The following TEX15 variants were observed in gnomAD, a reference collection of about 807,000 sequenced individuals.
TEX15 encodes the protein testis-expressed protein 15.
TEX15 carries 171 observed loss-of-function variants against 237.3 expected under a neutral mutation model. That is an observed-to-expected ratio of 0.72 (90% CI 0.64 to 0.82). The LOEUF (loss-of-function observed/expected upper bound fraction) is 0.82. TEX15 is among the 40% of genes least tolerant of loss of function. TEX15 has a pLI of 0.00. For synonymous variants in TEX15, 1,338 were observed against 1,269.8 expected (o/e 1.05, Z -1.14); for missense variants, 3,750 against 3,646.5 (o/e 1.03, Z -0.73).
chr8:30,857,751 A>T (rs1381284495), intron 7 of TEX15, among the ~76,000 whole-genome samples: 10 of 152,222 alleles, frequency 6.6e-5, no homozygotes, highest in Admixed American at 6.5e-4. Flanking sequence ...AACACTGAAA[A>T]AGTCTGACAG....
At chr8:30,855,853 T>C (rs937576856) in intron 7 of TEX15, among the ~76,000 whole-genome samples, 10 of 152,166 alleles carry the variant, frequency 6.6e-5, no homozygotes, top group Admixed American at 1.3e-4. Context: ...ACTATGATTT[T>C]ACTTAAATGA....
intron 10 of TEX15, among the ~76,000 whole-genome samples, chr8:30,834,490 C>T (rs1031790722): frequency 1.3e-5 from 2 of 152,002 alleles, no homozygotes; most frequent in South Asian, 2.1e-4. Context: ...CCTCTTTTAT[C>T]GTTTTCCTTA....
At chr8:30,889,939 A>ATATATACATATATATATATATATACG (rs1554502294) in intron 2 of TEX15, among the ~76,000 whole-genome samples, 1 of 126,018 alleles carries the variant, frequency 7.9e-6, no homozygotes, top group African/African-American at 3.8e-5. Context: ...ATATACATAT[A>ATATATACATATATATATATATATACG]TATATATATA....
chr8:30,844,616 C>T lies in TEX15; in HGVS notation c.5551G>A (p.Glu1851Lys). The T allele has an allele frequency of 6.2e-7, 1 of 1,613,226 alleles. No homozygotes were observed. The highest frequency in any genetic ancestry group is 1.1e-5 in the South Asian group (1 of 91,024). The change falls in exon 8 of 11, where the codon GAA becomes AAA. Residue 1851 changes from glutamate (E) to lysine (K), a missense_variant. Transcript: ENST00000643185. The part of the protein sequence containing the change: ...DRITWKVKQA[E>K]KAKDSVYKRS... ...TTGTAAACAGAATCTTTTGCTTTTT[C>T]CGCTTGTTTAACTTTCCACGTTATT...
chr8:30,875,078 T>C lies in TEX15; in HGVS notation c.161A>G (p.Asn54Ser), dbSNP rs1200804623. The C allele has an allele frequency of 1.6e-6, 2 of 1,250,506 alleles. No homozygotes were observed. The highest frequency in any genetic ancestry group is 7.2e-5 in the South Asian group (2 of 27,768). 77.5% of individuals were successfully genotyped at this position (1,250,506 alleles called of 1,614,324 possible). Residue 54 changes from asparagine to serine, a missense_variant, in exon 4 of 11, where the codon AAT becomes AGT. By Grantham distance (46) the Asn-to-Ser change is conservative. Coordinates refer to ENST00000643185, the MANE Select transcript of TEX15 (RefSeq NM_001350162.2). Reference protein sequence around the residue: ...EKVYLSPCYTNSREYSFIHDT... With the variant: ...EKVYLSPCYTSSREYSFIHDT... ...ATGTATAAAACTATACTCTCTACTA[T>C]TGGTGTAACAAGGTGACAAGTAAAC...
rs150361350 is a variant in TEX15 at position 30,845,905 on chromosome 8, T to C, written c.4262A>G (p.Asn1421Ser). The C allele has an allele frequency of 7.4e-6, 12 of 1,613,346 alleles. No homozygotes were observed. In the African/African-American group the frequency reaches 8.0e-5, roughly 11 times the overall value. The change falls in exon 8 of 11, where the codon AAT becomes AGT. Residue 1421 changes from asparagine (N) to serine (S), a missense_variant. Transcript: ENST00000643185. ...PLPKSYAIICNNFWESCDLQG... is the reference protein window; with the variant it reads ...PLPKSYAIICSNFWESCDLQG... ...AAGGTCACAACTTTCCCAGAAATTA[T>C]TGCATATTATTGCATATGATTTTGG...
At chr8:30,880,110 C>A (rs1230416249) in intron 3 of TEX15, among the ~76,000 whole-genome samples, 1 of 152,134 alleles carries the variant, frequency 6.6e-6, no homozygotes, top group Non-Finnish European at 1.5e-5. Flanking sequence ...CTCATTGCAA[C>A]CTCCCCCTCC....
chr8:30,848,292 A>G lies in TEX15; in HGVS notation c.1875T>C (p.Ala625=). ...LQNTGKMKNF[A]DLEDSSKHEE... ...CATGTTTGGAACTGTCTTCCAGGTCAGCGAAGTTTTTCATCTTTCCAGTAT... is the reference window on the plus strand; with the variant it reads ...CATGTTTGGAACTGTCTTCCAGGTCGGCGAAGTTTTTCATCTTTCCAGTAT... Residue 625 remains alanine, a synonymous_variant, in exon 8 of 11, where the codon GCT becomes GCC. Transcript: ENST00000643185. 1 of 1,613,018 alleles carries G rather than the reference A, an allele frequency of 6.2e-7. No homozygotes were observed. Among genetic ancestry groups the G allele is most frequent in the South Asian group, 1.1e-5 (1 of 90,820 alleles).
intron 7 of TEX15, among the ~76,000 whole-genome samples, chr8:30,852,366 T>G (rs187471928): frequency 4.5e-4 from 68 of 152,216 alleles, no homozygotes; most frequent in African/African-American, 1.6e-3. Context: ...GTGCTAGGAT[T>G]ACAAGTGTGA....
At position 30,843,824 on chromosome 8, in the gene TEX15, C is replaced by G; in HGVS notation, c.6343G>C (p.Gly2115Arg). Residue 2115 changes from glycine to arginine, a missense_variant, in exon 8 of 11, where the codon GGA (glycine) becomes CGA (arginine). Physicochemically the swap from Gly to Arg is moderately radical, Grantham distance 125. Transcript: ENST00000643185. ...YDETLYAELL[G>R]KPRGFQQQSN... Reference sequence around the variant, plus strand: ...TGCTGTTGAAATCCACGTGGTTTTCCAAGAAGCTCAGCATACAGTGTTTCA... The same window carrying G: ...TGCTGTTGAAATCCACGTGGTTTTCGAAGAAGCTCAGCATACAGTGTTTCA... 1 of 1,612,696 alleles carries G rather than the reference C, an allele frequency of 6.2e-7. No homozygotes were observed. Among genetic ancestry groups the G allele is most frequent in the South Asian group, 1.1e-5 (1 of 90,790 alleles).
In TEX15 at chr8:30,842,134, G is replaced by T. The variant is rs1183884236; in HGVS notation, c.8033C>A (p.Pro2678His). 2 of 1,613,226 alleles carry T rather than the reference G, an allele frequency of 1.2e-6. No individual in the cohort carries two copies. The highest frequency in any genetic ancestry group is 1.7e-6 in the Non-Finnish European group (2 of 1,179,596). The change falls in exon 8 of 11, where the codon CCC becomes CAC. Residue 2678 changes from proline to histidine, a missense_variant. Coordinates refer to ENST00000643185, the MANE Select transcript of TEX15 (RefSeq NM_001350162.2). ...TTTGTTTATGCACTCTGATACTGGG[G>T]GCAACATCGTAGAAATACTAAATTT... ...NNKFSISTML[P>H]PVSECINKNI...
intron 1 of TEX15, among the ~76,000 whole-genome samples, chr8:30,909,243 T>C (rs921380702): frequency 5.9e-5 from 9 of 152,152 alleles, no homozygotes; most frequent in African/African-American, 2.2e-4. Context: ...AATCAAAATA[T>C]GTTTTGTATA....
chr8:30,869,890 T>C (rs1808255319), intron 4 of TEX15, among the ~76,000 whole-genome samples: 1 of 152,052 alleles, frequency 6.6e-6, no homozygotes, highest in Admixed American at 6.6e-5. Flanking sequence ...AAGACATTAA[T>C]AAGCATCAGA....
At chr8:30,861,096 C>T (rs539954820) in intron 5 of TEX15, among the ~76,000 whole-genome samples, 6 of 151,748 alleles carry the variant, frequency 4.0e-5, no homozygotes, top group African/African-American at 1.5e-4. Context: ...TAAGCTCCAA[C>T]ATGTATTAAA....
intron 10 of TEX15, among the ~76,000 whole-genome samples, chr8:30,836,067 CAAATTA>C (rs1294645901): frequency 6.6e-6 from 1 of 152,072 alleles, no homozygotes; most frequent in Non-Finnish European, 1.5e-5. Context: ...TGAAGATAGA[CAAATTA>C]AAATGTTGGC....
intron 7 of TEX15, among the ~76,000 whole-genome samples, chr8:30,853,979 T>C (rs1389357206): frequency 2.0e-5 from 3 of 151,998 alleles, no homozygotes; most frequent in Non-Finnish European, 2.9e-5. Context: ...ACATTACATA[T>C]GTCATGGGAC....
In TEX15 at chr8:30,846,352, T is replaced by C. The variant is rs766802309; in HGVS notation, c.3815A>G (p.Asp1272Gly). ...FTEPSNVTTI[D>G]DGSRCFFTKS... ...TGTAAAGAAACATCTGCTTCCATCA[T>C]CTATTGTTGTGACATTAGAAGGTTC... The change falls in exon 8 of 11, where the codon GAT becomes GGT. Residue 1272 changes from aspartate to glycine, a missense_variant. Coordinates refer to ENST00000643185, the MANE Select transcript of TEX15 (RefSeq NM_001350162.2). 6.2e-7 allele frequency: 1 copy of C among 1,613,184 alleles called. No homozygotes were observed. Among genetic ancestry groups the C allele is most frequent in the Non-Finnish European group, 8.5e-7 (1 of 1,179,658 alleles).
chr8:30,833,366 A>T, intron 10 of TEX15, 43 bp from the exon 11 acceptor site: 1 of 1,424,802 alleles, frequency 7.0e-7, no homozygotes, highest in Non-Finnish European at 9.7e-7. Context: ...AATAATTTAG[A>T]CTAATGGTAC....
chr8:30,888,658 C>T (rs1808718433), intron 2 of TEX15: 11 of 1,289,252 alleles, frequency 8.5e-6, no homozygotes, highest in Non-Finnish European at 1.1e-5. Context: ...TGGTTGATGG[C>T]CCTCCTGACA....
Sources: gnomAD v4.1 joint callset for allele counts (sites outside exome capture counted in the v4.1 genomes callset) on GRCh38, gnomAD v4.1.1 for gene constraint, MANE v1.5 for transcripts, NCBI Gene and HGNC (gene_info 2026-07-23, HGNC 2026-07-21) for gene names.